The following UNC13C variants were observed in gnomAD, a reference collection of about 807,000 sequenced individuals.
UNC13C encodes the protein protein unc-13 homolog C.
A neutral mutation model predicts 245.4 loss-of-function variants in UNC13C; 174 were observed. The observed-to-expected ratio is 0.71, with a 90% CI of 0.63 to 0.80. The LOEUF is 0.80. UNC13C is among the 30% of genes least tolerant of loss of function. UNC13C has a pLI of 0.00. For missense variants in UNC13C, 2,829 were observed against 2,602.9 expected (o/e 1.09, Z -1.89); for synonymous variants, 992 against 895.1 (o/e 1.11, Z -1.93).
chr15:53,850,192 G>T, the UNC13C span, among the ~76,000 whole-genome samples: 1 of 151,986 alleles, frequency 6.6e-6, no homozygotes, highest in East Asian at 1.9e-4. Flanking sequence ...GAGGCAGGAG[G>T]ATCAATTGAG....
intron 30 of UNC13C, among the ~76,000 whole-genome samples, chr15:54,581,640 A>AAATAC (rs1315101771): frequency 6.6e-6 from 1 of 152,222 alleles, no homozygotes; most frequent in Non-Finnish European, 1.5e-5. Flanking sequence ...CTTCATCTCT[A>AAATAC]AATACAGCCA....
chr15:53,946,066 G>C, the UNC13C span, among the ~76,000 whole-genome samples: 4 of 152,094 alleles, frequency 2.6e-5, no homozygotes, highest in Non-Finnish European at 4.4e-5. Context: ...GAATGCTAGT[G>C]AGTTTTGTCC....
At chr15:54,235,140 G>C in intron 5 of UNC13C, 32 bp downstream of exon 5, 1 of 1,592,188 alleles carries the variant, frequency 6.3e-7, no homozygotes, top group Non-Finnish European at 8.6e-7. Flanking sequence ...CTCTTCGATT[G>C]CATGTGTGGT....
chr15:54,031,909 A>G (rs1016543961), intron 2 of UNC13C, among the ~76,000 whole-genome samples: 4 of 152,228 alleles, frequency 2.6e-5, no homozygotes, highest in Non-Finnish European at 5.9e-5. Context: ...GAACTTTATC[A>G]TACATTTTGC....
intron 18 of UNC13C, among the ~76,000 whole-genome samples, chr15:54,408,207 A>AAAAAG (rs2040344022): frequency 8.3e-6 from 1 of 119,772 alleles, no homozygotes; most frequent in African/African-American, 4.4e-5. Flanking sequence ...CTCAAAAAAA[A>AAAAAG]AAAAAAAAAA....
chr15:54,074,382 A>G (rs1898486696), intron 2 of UNC13C, among the ~76,000 whole-genome samples: 1 of 152,142 alleles, frequency 6.6e-6, no homozygotes, highest in African/African-American at 2.4e-5. Flanking sequence ...TTCCATATGA[A>G]ATTTAAAGTA....
intron 8 of UNC13C, among the ~76,000 whole-genome samples, chr15:54,250,755 T>TCTTTCTTTCTTTTTC (rs1235991790): frequency 8.4e-4 from 105 of 124,836 alleles, no homozygotes; most frequent in African/African-American, 3.1e-3. Context: ...CTTTCTTTTT[T>TCTTTCTTTCTTTTTC]TTTTTTTTTT....
chr15:54,049,713 A>G (rs1047058301), intron 2 of UNC13C: 3 of 226,166 alleles, frequency 1.3e-5, no homozygotes, highest in Admixed American at 5.6e-5. Flanking sequence ...GTGTTTTTCT[A>G]AAGCATGTGA....
intron 19 of UNC13C, among the ~76,000 whole-genome samples, chr15:54,415,726 G>A (rs955395631): frequency 9.2e-5 from 14 of 152,148 alleles, no homozygotes; most frequent in African/African-American, 3.4e-4. Flanking sequence ...GACCATTGGT[G>A]CACTGGATGT....
intron 25 of UNC13C, among the ~76,000 whole-genome samples, chr15:54,528,436 G>C (rs1308455426): frequency 6.6e-6 from 1 of 151,596 alleles, no homozygotes; most frequent in Admixed American, 6.6e-5. Flanking sequence ...GTGGCTCCTT[G>C]GGTGCTCCGA....
the UNC13C span, among the ~76,000 whole-genome samples, chr15:53,961,295 G>C: frequency 6.6e-6 from 1 of 152,234 alleles, no homozygotes; most frequent in Non-Finnish European, 1.5e-5. Flanking sequence ...TTTGCTGGGG[G>C]ACTCTGCTGG....
intron 26 of UNC13C, among the ~76,000 whole-genome samples, chr15:54,540,724 G>A (rs1267299289): frequency 6.6e-6 from 1 of 151,990 alleles, no homozygotes; most frequent in African/African-American, 2.4e-5. Flanking sequence ...ACAAATTGAG[G>A]TGTAAACTGC....
chr15:54,560,504 A>G (rs1897259058), intron 29 of UNC13C, among the ~76,000 whole-genome samples: 1 of 151,944 alleles, frequency 6.6e-6, no homozygotes, highest in Non-Finnish European at 1.5e-5. Flanking sequence ...AAAGTCATGA[A>G]GAAAAAGAAA....
chr15:54,463,375 G>A (rs868167040), intron 19 of UNC13C, among the ~76,000 whole-genome samples: 2 of 144,314 alleles, frequency 1.4e-5, no homozygotes, highest in Non-Finnish European at 3.0e-5. Context: ...TTGTTCTTTC[G>A]CTCTTTGCAG....
In UNC13C at chr15:54,497,597, G is replaced by A. The variant is rs1193304411; in HGVS notation, c.5061-2482G>A. On this transcript the variant is annotated intron_variant, in intron 20 of 32. Transcript: ENST00000260323. ...ATCAAGTAGAAAGTGGCCACTAAGA[G>A]ATTGGGAACTAAGTAGATACTTTAG... Among the ~76,000 whole-genome samples the A allele has an allele frequency of 2.6e-5, 4 of 152,076 alleles. No homozygotes were observed. In the East Asian group the frequency reaches 7.7e-4, roughly 29 times the overall value.
intron 19 of UNC13C, among the ~76,000 whole-genome samples, chr15:54,475,676 A>G (rs1172811192): frequency 4.1e-5 from 6 of 147,738 alleles, no homozygotes; most frequent in South Asian, 2.3e-4. Context: ...CATGGTGTAT[A>G]TGTGCCACAT....
At chr15:54,089,605 T>G (rs1323391669) in intron 2 of UNC13C, among the ~76,000 whole-genome samples, 1 of 152,110 alleles carries the variant, frequency 6.6e-6, no homozygotes, top group Non-Finnish European at 1.5e-5. Context: ...TATTTTCTAT[T>G]TCCTAAATTT....
intron 1 of UNC13C, among the ~76,000 whole-genome samples, chr15:54,005,904 G>A (rs1369106095): frequency 2.6e-5 from 4 of 152,130 alleles, no homozygotes; most frequent in Admixed American, 2.0e-4. Context: ...GAAATTAGAT[G>A]GGATATTTAA....
At position 54,525,652 on chromosome 15, in the gene UNC13C, T is replaced by A; in HGVS notation, c.5546+15T>A. The A allele has an allele frequency of 1.2e-6, 2 of 1,602,238 alleles. No homozygotes were observed. Among genetic ancestry groups the A allele is most frequent in the Non-Finnish European group, 1.7e-6 (2 of 1,172,392 alleles). On this transcript the variant is annotated intron_variant, in intron 25 of 32. Transcript: ENST00000260323. ...TATGGTGAAAGGTAAGTGGCCTCTGTTGTCATTATCTAAATTAGATAATTA... is the reference window on the plus strand; with the variant it reads ...TATGGTGAAAGGTAAGTGGCCTCTGATGTCATTATCTAAATTAGATAATTA...
Sources: allele counts gnomAD v4.1 joint callset (sites outside exome capture counted in the v4.1 genomes callset), GRCh38; gene constraint gnomAD v4.1.1; transcripts MANE v1.5; gene names NCBI Gene and HGNC (gene_info 2026-07-23, HGNC 2026-07-21).